The following AIMP1 variants were observed in gnomAD, a reference collection of about 807,000 sequenced individuals.
AIMP1 encodes the protein aminoacyl tRNA synthase complex-interacting multifunctional protein 1.
A neutral mutation model predicts 33.1 loss-of-function variants in AIMP1; 24 were observed. The ratio of observed to expected loss-of-function variants is 0.73; its 90% confidence interval spans 0.53 to 1.02. AIMP1 has a LOEUF of 1.02. AIMP1 is among the 50% of genes least tolerant of loss of function. The probability of loss-of-function intolerance (pLI) is 0.00; values close to 1 mark genes in which losing one functional copy is unlikely to be tolerated. For missense variants in AIMP1, 367 were observed against 364.8 expected (o/e 1.01, Z -0.05); for synonymous variants, 120 against 121.5 (o/e 0.99, Z 0.08).
At chr4:106,322,982 T>C (rs1769321052) in intron 1 of AIMP1, among the ~76,000 whole-genome samples, 1 of 143,936 alleles carries the variant, frequency 6.9e-6, no homozygotes, top group South Asian at 2.2e-4. Flanking sequence ...AGACTCTGTC[T>C]CAAAAAAAAA....
chr4:106,335,017 C>T (rs1161703305), intron 5 of AIMP1, among the ~76,000 whole-genome samples: 1 of 152,058 alleles, frequency 6.6e-6, no homozygotes, highest in African/African-American at 2.4e-5. Flanking sequence ...AAGATGAAAG[C>T]CATTGTAGGA....
intron 5 of AIMP1, among the ~76,000 whole-genome samples, chr4:106,334,986 A>G (rs1021525695): frequency 2.0e-5 from 3 of 152,206 alleles, no homozygotes; most frequent in African/African-American, 7.2e-5. Flanking sequence ...ATCATTGTAA[A>G]GTTTGGCATT....
intron 6 of AIMP1, among the ~76,000 whole-genome samples, chr4:106,342,605 A>G (rs1770137974): frequency 6.6e-6 from 1 of 152,226 alleles, no homozygotes; most frequent in Admixed American, 6.5e-5. Context: ...GCATATGTTG[A>G]ACCAGCCTTG....
chr4:106,319,192 A>G (rs1769100516), intron 1 of AIMP1, among the ~76,000 whole-genome samples: 1 of 152,198 alleles, frequency 6.6e-6, no homozygotes, highest in Non-Finnish European at 1.5e-5. Flanking sequence ...TTGATTTCAA[A>G]GTAGTAACTT....
chr4:106,347,963 T>A lies in AIMP1; in HGVS notation c.*271T>A. The A allele has an allele frequency of 3.5e-6, 1 of 287,448 alleles. No individual in the cohort carries two copies. Among genetic ancestry groups the A allele is most frequent in the Non-Finnish European group, 6.6e-6 (1 of 151,206 alleles). 17.8% of individuals were successfully genotyped at this position (287,448 alleles called of 1,614,324 possible). The stretch of plus-strand genomic sequence containing the variant: ...CAGGAATATTGATTAGCAGCTTTTT[T>A]TTCTTTATACACATAGATAACTAAC... On this transcript the variant is annotated 3_prime_UTR_variant, in exon 7 of 7. Coordinates refer to ENST00000672341, the MANE Select transcript of AIMP1 (RefSeq NM_001142416.2).
intron 1 of AIMP1, chr4:106,321,482 CTG>C (rs1769236554): frequency 6.4e-6 from 1 of 155,532 alleles, no homozygotes; most frequent in African/African-American, 2.5e-5. Flanking sequence ...GCTGCCCGGT[CTG>C]AGAAGTGAGG....
chr4:106,332,092 TAAGGA>T (rs1417609237), intron 5 of AIMP1, among the ~76,000 whole-genome samples: 12 of 152,258 alleles, frequency 7.9e-5, no homozygotes, highest in African/African-American at 2.9e-4. Flanking sequence ...ATATAATGCA[TAAGGA>T]TAGGAAGAAG....
Position 106,331,808 on chromosome 4 carries a change from G to A in AIMP1, c.528G>A (p.Val176=). 1 of 1,614,150 alleles carries A rather than the reference G, an allele frequency of 6.2e-7. No individual in the cohort carries two copies. The highest frequency in any genetic ancestry group is 8.5e-7 in the Non-Finnish European group (1 of 1,180,004). The change falls in exon 5 of 7, where the codon GTG becomes GTA. Residue 176 remains valine, a synonymous_variant. Transcript: ENST00000672341. Reference sequence around the variant, plus strand: ...ACCCTGATGCAGATTCTTTGTATGTGGAAGAAGTAGATGTCGGAGAAATAG... The same window carrying A: ...ACCCTGATGCAGATTCTTTGTATGTAGAAGAAGTAGATGTCGGAGAAATAG... ...RKHPDADSLY[V]EEVDVGEIAP...
At chr4:106,343,468 C>T (rs1039925671) in intron 6 of AIMP1, among the ~76,000 whole-genome samples, 5 of 152,140 alleles carry the variant, frequency 3.3e-5, no homozygotes, top group Non-Finnish European at 7.4e-5. Context: ...CATTTCTACT[C>T]TCCTAATCAA....
At chr4:106,327,807 A>G (rs1311938218) in intron 3 of AIMP1, among the ~76,000 whole-genome samples, 2 of 152,182 alleles carry the variant, frequency 1.3e-5, no homozygotes, top group African/African-American at 4.8e-5. Flanking sequence ...TAAGTTCATA[A>G]TAAATGTTAG....
At chr4:106,337,059 C>T (rs1769911750) in intron 6 of AIMP1, 22 bp downstream of exon 6, 1 of 1,604,150 alleles carries the variant, frequency 6.2e-7, no homozygotes, top group South Asian at 1.1e-5. Flanking sequence ...TTAGTAATTA[C>T]TTAATAGTTT....
upstream of AIMP1, chr4:106,316,531 C>G (rs773521300): frequency 3.2e-6 from 5 of 1,551,498 alleles, no homozygotes; most frequent in South Asian, 4.8e-5. Flanking sequence ...CTATAGTACG[C>G]GGGTGGCTGG....
In AIMP1 at chr4:106,349,212, C is replaced by T. The variant is rs957295874; in HGVS notation, c.*1520C>T. Reference sequence around the variant, plus strand: ...TATGTCATTCTTTTGGGAATAAATACTTCTGGTGACAAAGTCTTTTGTGAG... The same window carrying T: ...TATGTCATTCTTTTGGGAATAAATATTTCTGGTGACAAAGTCTTTTGTGAG... On this transcript the variant is annotated 3_prime_UTR_variant, in exon 7 of 7. Coordinates refer to ENST00000672341, the MANE Select transcript of AIMP1 (RefSeq NM_001142416.2). 5 of 151,988 alleles carry T rather than the reference C, an allele frequency of 3.3e-5. No homozygotes were observed. The highest frequency in any genetic ancestry group is 9.6e-5 in the African/African-American group (4 of 41,500). The allele number at this position is 151,988 out of a possible 1,614,324, so 9.4% of individuals were successfully genotyped here.
chr4:106,336,793 T>A (rs576629672), intron 5 of AIMP1, 76 bp from the exon 6 acceptor site: 2 of 1,315,154 alleles, frequency 1.5e-6, no homozygotes, highest in Non-Finnish European at 2.2e-6. Flanking sequence ...GCATATTAGG[T>A]GTAGCTTAAT....
intron 1 of AIMP1, among the ~76,000 whole-genome samples, chr4:106,317,976 C>A (rs1400056994): frequency 1.3e-5 from 2 of 152,024 alleles, no homozygotes; most frequent in African/African-American, 4.8e-5. Flanking sequence ...GGACTCTGTA[C>A]TGGGGAGGAA....
At position 106,336,879 on chromosome 4, in the gene AIMP1, G is replaced by A. The variant is rs371607548; in HGVS notation, c.614G>A (p.Arg205Gln). ...TTATATTTCACACAGATGCAAAATC[G>A]GATGGTGATTTTACTTTGTAACCTG... ...NHVPLEQMQN[R>Q]MVILLCNLKP... Residue 205 changes from arginine to glutamine, a missense_variant, in exon 6 of 7, where the codon CGG becomes CAG. Physicochemically the swap from Arg to Gln is conservative, Grantham distance 43 (BLOSUM62 1). Coordinates refer to ENST00000672341, the MANE Select transcript of AIMP1 (RefSeq NM_001142416.2). 2.1e-5 allele frequency: 34 copies of A among 1,613,734 alleles called. No individual in the cohort carries two copies. Among genetic ancestry groups the A allele is most frequent in the East Asian group, 1.3e-4 (6 of 44,852 alleles).
rs1237285056 is a variant in AIMP1 at position 106,348,880 on chromosome 4, TA to T, written c.*1193del. Reference sequence around the variant, plus strand: ...AGAGGCAGAAGTATAGACATTGTTTTAAAAATACACACATGCACACACACAC... The same window carrying T: ...AGAGGCAGAAGTATAGACATTGTTTTAAAATACACACATGCACACACACAC... On this transcript the variant is annotated 3_prime_UTR_variant, in exon 7 of 7. Transcript: ENST00000672341. The T allele has an allele frequency of 1.3e-5, 2 of 152,010 alleles. No individual in the cohort carries two copies. Among genetic ancestry groups the T allele is most frequent in the East Asian group, 3.9e-4 (2 of 5,176 alleles). 9.4% of individuals were successfully genotyped at this position (152,010 alleles called of 1,614,324 possible). A position where few individuals can be genotyped will look rare whatever the true frequency, so the allele number is the denominator to read the frequency against.
At chr4:106,320,834 T>C (rs566736268) in intron 1 of AIMP1, among the ~76,000 whole-genome samples, 1 of 152,262 alleles carries the variant, frequency 6.6e-6, no homozygotes, top group South Asian at 2.1e-4. Flanking sequence ...CTTGACTCAC[T>C]GCAACCTCCC....
rs1460835072 is a variant in AIMP1, at chr4:106,347,976, A to G, written c.*284A>G. The G allele has an allele frequency of 2.4e-5, 6 of 254,222 alleles. No individual in the cohort carries two copies. Among genetic ancestry groups the G allele is most frequent in the East Asian group, 1.0e-4 (1 of 9,576 alleles). The allele number at this position is 254,222 out of a possible 1,614,324, so 15.7% of individuals were successfully genotyped here. A position where few individuals can be genotyped will look rare whatever the true frequency, so the allele number is the denominator to read the frequency against. On this transcript the variant is annotated 3_prime_UTR_variant, in exon 7 of 7. Coordinates refer to ENST00000672341, the MANE Select transcript of AIMP1 (RefSeq NM_001142416.2). Reference sequence around the variant, plus strand: ...TAGCAGCTTTTTTTTCTTTATACACATAGATAACTAACTAGATTAATGTTT... The same window carrying G: ...TAGCAGCTTTTTTTTCTTTATACACGTAGATAACTAACTAGATTAATGTTT...
Sources: allele counts gnomAD v4.1 joint callset (sites outside exome capture counted in the v4.1 genomes callset), GRCh38; gene constraint gnomAD v4.1.1; transcripts MANE v1.5; gene names NCBI Gene and HGNC (gene_info 2026-07-23, HGNC 2026-07-21).